The following SPAG16 variants were observed in gnomAD, a reference collection of about 807,000 sequenced individuals.
The protein encoded by SPAG16 is sperm-associated antigen 16 protein.
Under a neutral mutation model 80.4 loss-of-function variants are expected in SPAG16, and 86 were observed. The ratio of observed to expected loss-of-function variants is 1.07; its 90% confidence interval spans 0.90 to 1.28. SPAG16 has a LOEUF of 1.28. SPAG16 is among the 50% of genes most tolerant of loss of function. SPAG16 has a pLI of 0.00. For missense variants in SPAG16, 870 were observed against 765.3 expected (o/e 1.14, Z -1.61); for synonymous variants, 294 against 265.9 (o/e 1.11, Z -1.03).
intron 12 of SPAG16, among the ~76,000 whole-genome samples, chr2:214,012,802 C>T (rs1272063137): frequency 6.6e-6 from 1 of 151,424 alleles, no homozygotes; most frequent in Non-Finnish European, 1.5e-5. Flanking sequence ...CGTAAAATGG[C>T]AAAAAAAACA....
intron 14 of SPAG16, among the ~76,000 whole-genome samples, chr2:214,115,923 G>A (rs2053912035): frequency 1.4e-5 from 2 of 142,974 alleles, no homozygotes; most frequent in Admixed American, 7.0e-5. Context: ...CCGCCCACAA[G>A]AATCCTGCAC....
chr2:213,747,562 A>T (rs1239966448), intron 10 of SPAG16, among the ~76,000 whole-genome samples: 1 of 152,190 alleles, frequency 6.6e-6, no homozygotes, highest in African/African-American at 2.4e-5. Context: ...TTTTTTGCAC[A>T]AATTTTCTGT....
At chr2:213,768,211 A>G (rs1164875079) in intron 10 of SPAG16, among the ~76,000 whole-genome samples, 6 of 152,174 alleles carry the variant, frequency 3.9e-5, no homozygotes, top group Non-Finnish European at 8.8e-5. Context: ...TTGGGGGTAA[A>G]GGACTGATGA....
intron 10 of SPAG16, among the ~76,000 whole-genome samples, chr2:213,794,707 A>G (rs2070916999): frequency 6.6e-6 from 1 of 152,046 alleles, no homozygotes. Flanking sequence ...AGTAACTTTT[A>G]CAGCATTATC....
chr2:213,654,461 C>T (rs1218700567), intron 10 of SPAG16, among the ~76,000 whole-genome samples: 1 of 147,542 alleles, frequency 6.8e-6, no homozygotes, highest in Admixed American at 7.1e-5. Context: ...CTTTGGGAGG[C>T]CAGGGCGGGT....
chr2:213,669,652 AG>A (rs1365415069), intron 10 of SPAG16, among the ~76,000 whole-genome samples: 1 of 152,222 alleles, frequency 6.6e-6, no homozygotes, highest in Admixed American at 6.5e-5. Flanking sequence ...ATTCTCATCT[AG>A]TCCTATGGTT....
At position 213,623,223 on chromosome 2, in the gene SPAG16, A is replaced by G. The variant is rs1377525947; in HGVS notation, c.1070+133133A>G. 2.0e-5 allele frequency among the ~76,000 whole-genome samples: 3 copies of G among 152,292 alleles called. No homozygotes were observed. In the East Asian group the frequency reaches 5.8e-4, roughly 29 times the overall value. ...TCACTTTTTACTGCTGCTGGTATTT[A>G]ACACATAAATCTATCATTTACTTTT... On this transcript the variant is annotated intron_variant, in intron 10 of 15. Transcript: ENST00000331683.
rs115332788 is a variant in SPAG16 at position 214,304,695 on chromosome 2, C to T, written c.1721-105445C>T. On this transcript the variant is annotated intron_variant, in intron 15 of 15. Coordinates refer to ENST00000331683, the MANE Select transcript of SPAG16 (RefSeq NM_024532.5). ...TAGTGCCACTGCGTTAGGGTCTCCC[C>T]GACCAAGCTGGTCTCGGCATGTTAT... 8.4e-3 allele frequency among the ~76,000 whole-genome samples: 1,284 copies of T among 152,102 alleles called. 17 individuals are homozygous for T. The highest frequency in any genetic ancestry group is 0.029 in the African/African-American group (1,207 of 41,500).
chr2:213,716,843 A>G (rs553601886), intron 10 of SPAG16, among the ~76,000 whole-genome samples: 29 of 152,274 alleles, frequency 1.9e-4, no homozygotes, highest in African/African-American at 6.3e-4. Context: ...ACAAGTGAAA[A>G]TAAGTTCTTT....
chr2:213,645,571 G>A (rs2062790022), intron 10 of SPAG16, among the ~76,000 whole-genome samples: 1 of 152,118 alleles, frequency 6.6e-6, no homozygotes, highest in Non-Finnish European at 1.5e-5. Context: ...CCTGTAACAG[G>A]GACCTCAGGA....
At chr2:214,399,542 T>A (rs1431828340) in intron 15 of SPAG16, among the ~76,000 whole-genome samples, 1 of 152,074 alleles carries the variant, frequency 6.6e-6, no homozygotes, top group Admixed American at 6.6e-5. Context: ...ATAATGAAGT[T>A]AGTTCTGACA....
At chr2:214,172,409 T>C (rs959306226) in intron 15 of SPAG16, among the ~76,000 whole-genome samples, 14 of 152,156 alleles carry the variant, frequency 9.2e-5, no homozygotes, top group Non-Finnish European at 2.1e-4. Flanking sequence ...TCCATGTCCC[T>C]ACAAAGGACA....
At chr2:213,442,844 A>ATT (rs978389401) in intron 9 of SPAG16, among the ~76,000 whole-genome samples, 11 of 152,178 alleles carry the variant, frequency 7.2e-5, no homozygotes, top group Admixed American at 5.9e-4. Flanking sequence ...ATTACCTTGG[A>ATT]TTTGGTGGAT....
intron 9 of SPAG16, among the ~76,000 whole-genome samples, chr2:213,389,546 AACTC>A (rs1442677021): frequency 2.0e-5 from 3 of 152,168 alleles, no homozygotes; most frequent in African/African-American, 4.8e-5. Context: ...GAATTCCTAA[AACTC>A]AACAACAACA....
chr2:214,325,289 G>T (rs1442719605), intron 15 of SPAG16, among the ~76,000 whole-genome samples: 4 of 152,158 alleles, frequency 2.6e-5, no homozygotes, highest in African/African-American at 9.7e-5. Context: ...AGTTGCCTGA[G>T]ACTCCTTATT....
intron 11 of SPAG16, among the ~76,000 whole-genome samples, chr2:213,911,834 G>T: frequency 3.7e-5 from 1 of 27,288 alleles, no homozygotes; most frequent in Admixed American, 4.7e-4. Flanking sequence ...GAAACAGTTA[G>T]CAAAAAAAAA....
chr2:213,772,302 G>T (rs138181543), intron 10 of SPAG16, among the ~76,000 whole-genome samples: 85 of 152,226 alleles, frequency 5.6e-4, no homozygotes, highest in African/African-American at 1.9e-3. Context: ...TGTACCCTGA[G>T]ACCACCCTCA....
chr2:213,743,553 G>A (rs1250029753), intron 10 of SPAG16, among the ~76,000 whole-genome samples: 1 of 152,076 alleles, frequency 6.6e-6, no homozygotes, highest in African/African-American at 2.4e-5. Context: ...TTAATATTAA[G>A]ACATTTAAGA....
rs552489016 is a variant in SPAG16 at position 214,315,116 on chromosome 2, A to T, written c.1721-95024A>T. ...AATAGCAAGAGAGGAATTAACAGCTAACTGAGGCAAGCATCAGCACAGAGG... is the reference window on the plus strand; with the variant it reads ...AATAGCAAGAGAGGAATTAACAGCTTACTGAGGCAAGCATCAGCACAGAGG... On this transcript the variant is annotated intron_variant, in intron 15 of 15. Coordinates refer to ENST00000331683, the MANE Select transcript of SPAG16 (RefSeq NM_024532.5). 7.2e-5 allele frequency among the ~76,000 whole-genome samples: 11 copies of T among 152,238 alleles called. No individual in the cohort carries two copies. In the South Asian group the frequency reaches 2.1e-3, roughly 29 times the overall value.
Sources: gnomAD v4.1 joint callset for allele counts (sites outside exome capture counted in the v4.1 genomes callset) on GRCh38, gnomAD v4.1.1 for gene constraint, MANE v1.5 for transcripts, NCBI Gene and HGNC (gene_info 2026-07-23, HGNC 2026-07-21) for gene names.